BICDL1: variants seen among roughly 807,000 people sequenced by gnomAD.
BICDL1 encodes BICD family like cargo adaptor 1.
BICDL1 carries 20 observed loss-of-function variants against 76.8 expected under a neutral mutation model. The observed-to-expected ratio is 0.26, with a 90% CI of 0.18 to 0.38. BICDL1 has a LOEUF of 0.38. Ranked by LOEUF, BICDL1 falls within the 10% of genes least tolerant of loss-of-function variation. The probability of loss-of-function intolerance (pLI) is 1.00; values close to 1 mark genes in which losing one functional copy is unlikely to be tolerated. For synonymous variants in BICDL1, 383 were observed against 337.1 expected (o/e 1.14, Z -1.49); for missense variants, 700 against 798.6 (o/e 0.88, Z 1.49).
intron 1 of BICDL1, among the ~76,000 whole-genome samples, chr12:119,993,569 G>C (rs1239960669): frequency 6.6e-6 from 1 of 151,690 alleles, no homozygotes; most frequent in Non-Finnish European, 1.5e-5. Flanking sequence ...CTCTTGAATT[G>C]ACTCTGTATT....
In BICDL1 at chr12:120,072,687, C is replaced by T. The variant is rs369475993; in HGVS notation, c.1266C>T (p.Leu422=). 2.5e-5 allele frequency: 40 copies of T among 1,613,706 alleles called. No individual in the cohort carries two copies. The highest frequency in any genetic ancestry group is 3.0e-5 in the Non-Finnish European group (35 of 1,180,046). Residue 422 remains leucine (L), a synonymous_variant, in exon 6 of 10, where the codon CTC becomes CTT. Coordinates refer to ENST00000548673, the MANE Select transcript of BICDL1 (RefSeq NM_001367886.1). The part of the protein sequence containing the change: ...AGSLRTALNE[L]KRLIQSIVDG... ...GCTTGCGCACTGCCCTCAATGAGCT[C>T]AAGAGACTGATACAGAGCATTGTGG...
chr12:119,991,236 G>A lies in BICDL1; in HGVS notation c.429+939G>A, dbSNP rs76322325. Among the ~76,000 whole-genome samples, 1,265 of 152,296 alleles carry A rather than the reference G, an allele frequency of 8.3e-3. 16 individuals are homozygous for A. The highest frequency in any genetic ancestry group is 0.028 in the African/African-American group (1,181 of 41,550). On this transcript the variant is annotated intron_variant, in intron 1 of 9. Coordinates refer to ENST00000548673, the MANE Select transcript of BICDL1 (RefSeq NM_001367886.1). The stretch of plus-strand genomic sequence containing the variant: ...ACTATTATTGTTACCTAGTTTGGTT[G>A]CAGCCAGCTCTTTTCATTCTTAGTT...
chr12:120,029,660 T>A (rs1743046345), intron 2 of BICDL1, among the ~76,000 whole-genome samples: 1 of 152,024 alleles, frequency 6.6e-6, no homozygotes, highest in Non-Finnish European at 1.5e-5. Context: ...ACCCCAGAAT[T>A]ATTATTATTA....
chr12:119,991,500 A>G (rs1380659318), intron 1 of BICDL1, among the ~76,000 whole-genome samples: 2 of 152,222 alleles, frequency 1.3e-5, no homozygotes, highest in Non-Finnish European at 2.9e-5. Context: ...AACTCCTGAG[A>G]TACCTCTCTG....
At chr12:120,046,196 A>T (rs1952747535) in intron 2 of BICDL1, among the ~76,000 whole-genome samples, 1 of 151,786 alleles carries the variant, frequency 6.6e-6, no homozygotes, top group South Asian at 2.1e-4. Context: ...ATTCCCTACA[A>T]CTCTGCCTCT....
At position 120,004,966 on chromosome 12, in the gene BICDL1, C is replaced by T. The variant is rs559588351; in HGVS notation, c.645+6230C>T. Among the ~76,000 whole-genome samples, 13 of 151,920 alleles carry T rather than the reference C, an allele frequency of 8.6e-5. 1 individual carries two copies. In the Middle Eastern group the frequency reaches 0.01, roughly 119 times the overall value. On this transcript the variant is annotated intron_variant, in intron 2 of 9. Coordinates refer to ENST00000548673, the MANE Select transcript of BICDL1 (RefSeq NM_001367886.1). ...CCTCCTGAGTAGCTGGGATTACAGGCGCCCGCCACTATACCCGGCTAATTT... is the reference window on the plus strand; with the variant it reads ...CCTCCTGAGTAGCTGGGATTACAGGTGCCCGCCACTATACCCGGCTAATTT...
chr12:120,071,675 G>T lies in BICDL1; in HGVS notation c.963G>T (p.Leu321=), dbSNP rs752432934. The change falls in exon 5 of 10, where the codon CTG becomes CTT. Residue 321 remains leucine (L), a synonymous_variant. Coordinates refer to ENST00000548673, the MANE Select transcript of BICDL1 (RefSeq NM_001367886.1). The surrounding 1 kb of genome is among the most constrained non-coding windows in gnomAD (Gnocchi z 4.8). The part of the protein sequence containing the change: ...LQEVRLSCRQ[L]QVKVEELTEE... ...AGGTGCGTCTCTCCTGCCGACAGCTGCAGGTGAAGGTGGAAGAACTCACTG... is the reference window on the plus strand; with the variant it reads ...AGGTGCGTCTCTCCTGCCGACAGCTTCAGGTGAAGGTGGAAGAACTCACTG... 6.2e-7 allele frequency: 1 copy of T among 1,612,516 alleles called. No homozygotes were observed. The highest frequency in any genetic ancestry group is 2.2e-5 in the East Asian group (1 of 44,798).
Position 120,022,504 on chromosome 12 carries a change from ATT to A in BICDL1, c.645+23769_645+23770del, listed in dbSNP as rs1952206010. Among the ~76,000 whole-genome samples the A allele has an allele frequency of 2.7e-5, 4 of 148,596 alleles. No individual in the cohort carries two copies. In the South Asian group the frequency reaches 8.4e-4, roughly 31 times the overall value. ...TATATATTTTTGTGTATATATATAT[ATT>A]AAAGGAGACTTAAGAGGCATGAAAA... On this transcript the variant is annotated intron_variant, in intron 2 of 9. Coordinates refer to ENST00000548673, the MANE Select transcript of BICDL1 (RefSeq NM_001367886.1).
chr12:120,072,854 C>G (rs911994265), intron 6 of BICDL1, 125 bp downstream of exon 6: 1 of 815,730 alleles, frequency 1.2e-6, no homozygotes, highest in African/African-American at 1.7e-5. Context: ...AAGAATTCTT[C>G]TGAGCCCTTA....
chr12:120,090,894 T>C (rs1397808872), intron 9 of BICDL1: 25 of 1,288,606 alleles, frequency 1.9e-5, no homozygotes, highest in East Asian at 5.6e-5. Flanking sequence ...GCTCTCTCTC[T>C]TCTCTCCCGG....
Position 120,064,733 on chromosome 12 carries a change from A to G in BICDL1, c.763A>G (p.Ile255Val). 1 of 1,606,978 alleles carries G rather than the reference A, an allele frequency of 6.2e-7. No homozygotes were observed. The highest frequency in any genetic ancestry group is 8.5e-7 in the Non-Finnish European group (1 of 1,176,820). Reference sequence around the variant, plus strand: ...CCCCTGTGGCTCTCCACCCTTTCAGATCAAGATGCTGTCAGATCGGAAACG... The same window carrying G: ...CCCCTGTGGCTCTCCACCCTTTCAGGTCAAGATGCTGTCAGATCGGAAACG... ...IIRLESLQAE[I>V]KMLSDRKREL... The change falls in exon 4 of 10, where the codon ATC becomes GTC. Residue 255 changes from isoleucine to valine, a missense_variant and splice_region_variant. Around this residue, in one of 3 missense-constraint regions of BICDL1, gnomAD observed 455 missense variants for 548.7 expected, o/e 0.83. Transcript: ENST00000548673.
chr12:120,075,445 G>T (rs1873467361), intron 7 of BICDL1, among the ~76,000 whole-genome samples: 1 of 151,032 alleles, frequency 6.6e-6, no homozygotes, highest in African/African-American at 2.4e-5. Context: ...CCAGGCTGGA[G>T]TATAGTGGCG....
At chr12:119,993,575 G>C (rs1232047284) in intron 1 of BICDL1, among the ~76,000 whole-genome samples, 3 of 150,674 alleles carry the variant, frequency 2.0e-5, no homozygotes, top group African/African-American at 7.3e-5. Flanking sequence ...AATTGACTCT[G>C]TATTTTGTTA....
intron 2 of BICDL1, among the ~76,000 whole-genome samples, chr12:120,014,142 G>C (rs1405215976): frequency 6.6e-6 from 1 of 152,156 alleles, no homozygotes; most frequent in Admixed American, 6.5e-5. Flanking sequence ...TTACTTAAAC[G>C]ATCATGTTTT....
At chr12:120,087,349 C>T (rs953339209) in intron 8 of BICDL1, among the ~76,000 whole-genome samples, 3 of 152,228 alleles carry the variant, frequency 2.0e-5, no homozygotes, top group African/African-American at 7.2e-5. Context: ...GGCCGGCGGG[C>T]GGGGCGCACT....
chr12:120,013,906 G>A (rs1440877600), intron 2 of BICDL1, among the ~76,000 whole-genome samples: 1 of 152,142 alleles, frequency 6.6e-6, no homozygotes, highest in Non-Finnish European at 1.5e-5. Flanking sequence ...GTTTTAAGAT[G>A]GTGGAAACCC....
intron 3 of BICDL1, 39 bp from the exon 4 acceptor site, chr12:120,064,694 G>A (rs201662583): frequency 1.5e-5 from 23 of 1,568,248 alleles, no homozygotes; most frequent in Non-Finnish European, 1.6e-5. Context: ...CAGCCCGGGT[G>A]TAACTCCACA....
At chr12:120,050,142 A>G (rs1274322427) in intron 2 of BICDL1, among the ~76,000 whole-genome samples, 1 of 152,188 alleles carries the variant, frequency 6.6e-6, no homozygotes, top group Non-Finnish European at 1.5e-5. Context: ...TTGCTCATTT[A>G]AAAAATTACG....
chr12:120,017,933 A>T (rs981736734), intron 2 of BICDL1, among the ~76,000 whole-genome samples: 1 of 152,184 alleles, frequency 6.6e-6, no homozygotes, highest in Non-Finnish European at 1.5e-5. Flanking sequence ...CTGTGTGGAT[A>T]CTTGCAAACA....
Sources: gnomAD v4.1 joint callset for allele counts (sites outside exome capture counted in the v4.1 genomes callset) on GRCh38, gnomAD v4.1.1 for gene constraint, gnomAD v4.1.1 regional missense constraint, Gnocchi (gnomAD v3.1) non-coding constraint, MANE v1.5 for transcripts, NCBI Gene and HGNC (gene_info 2026-07-23, HGNC 2026-07-21) for gene names.